Variants in UGT8 observed in about 807,000 individuals in gnomAD.
The protein encoded by UGT8 is UDP glycosyltransferase 8, also known as 2-hydroxyacylsphingosine 1-beta-galactosyltransferase.
A neutral mutation model predicts 40.5 loss-of-function variants in UGT8; 12 were observed. The ratio of observed to expected loss-of-function variants is 0.30; its 90% confidence interval spans 0.19 to 0.48. The LOEUF (loss-of-function observed/expected upper bound fraction) is 0.48, where lower values mean the gene tolerates loss of function less well. Among genes scored for constraint, UGT8 ranks in the 20% least tolerant of loss-of-function variants. The probability of loss-of-function intolerance (pLI) is 0.99; values close to 1 mark genes in which losing one functional copy is unlikely to be tolerated. For missense variants in UGT8, 513 were observed against 648.7 expected (o/e 0.79, Z 2.27); for synonymous variants, 224 against 240.4 (o/e 0.93, Z 0.63).
intron 1 of UGT8, among the ~76,000 whole-genome samples, chr4:114,605,169 G>A (rs1304505269): frequency 6.6e-6 from 1 of 152,148 alleles, no homozygotes; most frequent in African/African-American, 2.4e-5. Flanking sequence ...AATAAAAATG[G>A]TACCTTTGGT....
At position 114,622,876 on chromosome 4, in the gene UGT8, C is replaced by T. The variant is rs202084356; in HGVS notation, c.-2-3C>T. 3 of 1,593,418 alleles carry T rather than the reference C, an allele frequency of 1.9e-6. No homozygotes were observed. The highest frequency in any genetic ancestry group is 2.2e-5 in the East Asian group (1 of 44,544). On this transcript the variant is annotated splice_region_variant and splice_polypyrimidine_tract_variant and intron_variant, in intron 1 of 5. Coordinates refer to ENST00000310836, the MANE Select transcript of UGT8 (RefSeq NM_001128174.3). ...TTAAGTTGTTTTCTGGTTGTTATTACAGCTATGAAGTCTTACACTCCATAT... is the reference window on the plus strand; with the variant it reads ...TTAAGTTGTTTTCTGGTTGTTATTATAGCTATGAAGTCTTACACTCCATAT...
chr4:114,645,039 C>CACAG (rs60242392), intron 2 of UGT8, among the ~76,000 whole-genome samples: 133,353 of 151,838 alleles, frequency 0.88, 60,326 homozygotes, highest in East Asian at 1. Context: ...ACATGCAGTT[C>CACAG]ACAGACAGAC....
chr4:114,663,797 A>G (rs760745938), intron 2 of UGT8, 198 bp from the exon 3 acceptor site: 252 of 985,192 alleles, frequency 2.6e-4, no homozygotes, highest in Non-Finnish European at 2.9e-4. Flanking sequence ...AATAAACCAC[A>G]TGTCCTCATT....
chr4:114,676,031 G>A lies in UGT8; in HGVS notation c.1369G>A (p.Ala457Thr). The A allele has an allele frequency of 1.2e-6, 2 of 1,614,174 alleles. No homozygotes were observed. The highest frequency in any genetic ancestry group is 8.5e-7 in the Non-Finnish European group (1 of 1,180,024). Residue 457 changes from alanine (A) to threonine (T), a missense_variant, in exon 6 of 6, where the codon GCC becomes ACC. Physicochemically the swap from Ala to Thr is moderately conservative, Grantham distance 58. Transcript: ENST00000310836. ...AGATTATATTATTCGTCACAATGGA[G>A]CCCATCACCTACGTGCCGCTGTCCA... ...WIDYIIRHNG[A>T]HHLRAAVHQI...
chr4:114,668,260 A>G lies in UGT8; in HGVS notation c.1218A>G (p.Glu406=), dbSNP rs1560709745. The change falls in exon 5 of 6, where the codon GAA becomes GAG. Residue 406 remains glutamate, a synonymous_variant. Transcript: ENST00000310836. ...GILLEWKTVT[E]KELYEALVKV... ...TGCTAGAATGGAAGACAGTTACTGA[A>G]AAAGAGCTCTATGAAGCACTAGTGA... The G allele has an allele frequency of 6.2e-7, 1 of 1,613,838 alleles. No individual in the cohort carries two copies. The highest frequency in any genetic ancestry group is 8.5e-7 in the Non-Finnish European group (1 of 1,179,810).
chr4:114,608,498 C>A (rs1730862188), intron 1 of UGT8, among the ~76,000 whole-genome samples: 1 of 152,056 alleles, frequency 6.6e-6, no homozygotes, highest in Non-Finnish European at 1.5e-5. Context: ...TCCAGAACTG[C>A]ATCATTCAAA....
chr4:114,676,095 C>T lies in UGT8; in HGVS notation c.1433C>T (p.Ala478Val). 6.2e-7 allele frequency: 1 copy of T among 1,614,176 alleles called. No individual in the cohort carries two copies. The highest frequency in any genetic ancestry group is 8.5e-7 in the Non-Finnish European group (1 of 1,180,040). ...TGTCAGTATTTTTTACTGGATATTG[C>T]CTTTGTGCTTTTGCTTGGTGCTGCC... ...SFCQYFLLDI[A>V]FVLLLGAALL... The change falls in exon 6 of 6, where the codon GCC becomes GTC. Residue 478 changes from alanine to valine, a missense_variant. By Grantham distance (64) the Ala-to-Val change is moderately conservative (BLOSUM62 0). Coordinates refer to ENST00000310836, the MANE Select transcript of UGT8 (RefSeq NM_001128174.3).
intron 1 of UGT8, among the ~76,000 whole-genome samples, chr4:114,609,805 A>G (rs1360275980): frequency 6.6e-6 from 1 of 152,148 alleles, no homozygotes; most frequent in African/African-American, 2.4e-5. Flanking sequence ...TTCTACCCCT[A>G]CTACTCCATC....
intron 5 of UGT8, among the ~76,000 whole-genome samples, chr4:114,673,297 AC>A (rs1645606834): frequency 6.6e-6 from 1 of 152,196 alleles, no homozygotes; most frequent in Non-Finnish European, 1.5e-5. Flanking sequence ...CATGGAAAAT[AC>A]CTGCCCCTCA....
At chr4:114,670,762 G>A (rs1021692288) in intron 5 of UGT8, among the ~76,000 whole-genome samples, 2 of 152,152 alleles carry the variant, frequency 1.3e-5, no homozygotes, top group Non-Finnish European at 2.9e-5. Flanking sequence ...CACAAGACAA[G>A]GATGCCCTCT....
rs190681670 is a variant in UGT8, at chr4:114,671,903, A to G, written c.1262+3599A>G. 2.3e-4 allele frequency among the ~76,000 whole-genome samples: 35 copies of G among 152,346 alleles called. No homozygotes were observed. In the East Asian group the frequency reaches 6.6e-3, roughly 29 times the overall value. Reference sequence around the variant, plus strand: ...TGAAAGGCAACCTACAGAATGGGAGAAAATTTTTGCAATCTACCCATCTGA... The same window carrying G: ...TGAAAGGCAACCTACAGAATGGGAGGAAATTTTTGCAATCTACCCATCTGA... On this transcript the variant is annotated intron_variant, in intron 5 of 5. Coordinates refer to ENST00000310836, the MANE Select transcript of UGT8 (RefSeq NM_001128174.3).
At chr4:114,653,327 C>T (rs999609149) in intron 2 of UGT8, among the ~76,000 whole-genome samples, 2 of 152,002 alleles carry the variant, frequency 1.3e-5, no homozygotes, top group African/African-American at 2.4e-5. Flanking sequence ...CTTTGCCTAG[C>T]TTTATACATA....
At chr4:114,610,624 T>A (rs1730984111) in intron 1 of UGT8, among the ~76,000 whole-genome samples, 1 of 152,212 alleles carries the variant, frequency 6.6e-6, no homozygotes, top group African/African-American at 2.4e-5. Flanking sequence ...CTTCTGTTTT[T>A]TATCTAATAC....
chr4:114,608,174 A>G (rs1329366853), intron 1 of UGT8, among the ~76,000 whole-genome samples: 1 of 151,946 alleles, frequency 6.6e-6, no homozygotes, highest in Non-Finnish European at 1.5e-5. Context: ...TTTCTTCTGC[A>G]CTTCCAAATT....
At chr4:114,653,347 G>A (rs890946109) in intron 2 of UGT8, among the ~76,000 whole-genome samples, 1 of 151,966 alleles carries the variant, frequency 6.6e-6, no homozygotes, top group Non-Finnish European at 1.5e-5. Flanking sequence ...ACTACACTAG[G>A]CATTTAAGAG....
intron 1 of UGT8, among the ~76,000 whole-genome samples, chr4:114,612,321 A>AG (rs1213139153): frequency 1.3e-5 from 2 of 152,170 alleles, no homozygotes; most frequent in African/African-American, 4.8e-5. Context: ...CAGGGAATAA[A>AG]GGGGAGGAGG....
At chr4:114,617,973 T>TTCAAG (rs1422204449) in intron 1 of UGT8, among the ~76,000 whole-genome samples, 1 of 152,174 alleles carries the variant, frequency 6.6e-6, no homozygotes, top group Non-Finnish European at 1.5e-5. Flanking sequence ...AAGAAAATTG[T>TTCAAG]TCAAGTCCAT....
chr4:114,654,488 A>T (rs1211473852), intron 2 of UGT8, among the ~76,000 whole-genome samples: 1 of 152,062 alleles, frequency 6.6e-6, no homozygotes, highest in Non-Finnish European at 1.5e-5. Flanking sequence ...AGCAGGAACA[A>T]CTTTTCTGTG....
At chr4:114,641,140 C>G (rs1362903096) in intron 2 of UGT8, among the ~76,000 whole-genome samples, 1 of 152,126 alleles carries the variant, frequency 6.6e-6, no homozygotes, top group Admixed American at 6.5e-5. Flanking sequence ...AAGCTAAAGC[C>G]TGAATTAATA....
Sources: gnomAD v4.1 joint callset for allele counts (sites outside exome capture counted in the v4.1 genomes callset) on GRCh38, gnomAD v4.1.1 for gene constraint, MANE v1.5 for transcripts, NCBI Gene and HGNC (gene_info 2026-07-23, HGNC 2026-07-21) for gene names.